The following RIPOR2 variants were observed in gnomAD, a reference collection of about 807,000 sequenced individuals.
RIPOR2 encodes rho family-interacting cell polarization regulator 2.
A neutral mutation model predicts 114.5 loss-of-function variants in RIPOR2; 39 were observed. The observed-to-expected ratio is 0.34, with a 90% CI of 0.26 to 0.44. The LOEUF is 0.44. RIPOR2 is among the 20% of genes least tolerant of loss of function. The pLI, the probability that RIPOR2 is intolerant of heterozygous loss-of-function variation, is 1.00. For synonymous variants in RIPOR2, 445 were observed against 484.4 expected (o/e 0.92, Z 1.07); for missense variants, 1,007 against 1,255.1 (o/e 0.80, Z 2.99).
At chr6:24,855,564 A>C (rs1763389225) in intron 8 of RIPOR2, among the ~76,000 whole-genome samples, 1 of 152,230 alleles carries the variant, frequency 6.6e-6, no homozygotes, top group Non-Finnish European at 1.5e-5. Context: ...TCCCACACAA[A>C]GACATCCATA....
chr6:24,861,384 A>G (rs1412841967), intron 7 of RIPOR2, among the ~76,000 whole-genome samples: 1 of 152,254 alleles, frequency 6.6e-6, no homozygotes, highest in Non-Finnish European at 1.5e-5. Context: ...AAACATAATC[A>G]CCAAATGTAA....
At chr6:24,917,894 T>C (rs1398523157) in intron 1 of RIPOR2, among the ~76,000 whole-genome samples, 1 of 152,192 alleles carries the variant, frequency 6.6e-6, no homozygotes, top group East Asian at 1.9e-4. Context: ...TTTTCTCTCA[T>C]GATCAGGGGA....
At chr6:24,961,929 T>G (rs1476167569) in intron 1 of RIPOR2, among the ~76,000 whole-genome samples, 3 of 152,174 alleles carry the variant, frequency 2.0e-5, no homozygotes, top group African/African-American at 7.2e-5. Flanking sequence ...ACCTCGCCTA[T>G]TCTAAGCATT....
chr6:24,877,451 A>G (rs1371005055), intron 1 of RIPOR2: 1 of 624,732 alleles, frequency 1.6e-6, no homozygotes, highest in Non-Finnish European at 2.0e-6. Flanking sequence ...GGGGAGGAGC[A>G]GCTTACATTT....
chr6:25,024,206 A>G (rs1776483519), intron 1 of RIPOR2: 1 of 1,479,180 alleles, frequency 6.8e-7, no homozygotes, highest in East Asian at 2.3e-5. Flanking sequence ...GCCTGGCGAG[A>G]AAGGTGCCCA....
intron 1 of RIPOR2, among the ~76,000 whole-genome samples, chr6:25,002,914 G>C (rs560796765): frequency 4.2e-4 from 64 of 152,294 alleles, no homozygotes; most frequent in Non-Finnish European, 4.1e-4. Flanking sequence ...CCGGCAATGT[G>C]CCTTTTGCAA....
At chr6:24,905,168 G>C (rs1038495932) in intron 1 of RIPOR2, among the ~76,000 whole-genome samples, 3 of 152,168 alleles carry the variant, frequency 2.0e-5, no homozygotes, top group Non-Finnish European at 4.4e-5. Flanking sequence ...GCTCAACCTA[G>C]AGTGTGTTTC....
chr6:25,015,498 G>T (rs1308334020), intron 1 of RIPOR2: 1 of 152,206 alleles, frequency 6.6e-6, no homozygotes, highest in Non-Finnish European at 1.5e-5. Flanking sequence ...AGTCTACACG[G>T]CACTACTGGG....
intron 1 of RIPOR2, among the ~76,000 whole-genome samples, chr6:24,902,220 T>A (rs938136180): frequency 1.4e-5 from 2 of 147,748 alleles, no homozygotes; most frequent in Non-Finnish European, 3.0e-5. Context: ...TTCTTTTTCT[T>A]TTTTTTTTTT....
At chr6:24,885,202 G>A (rs938664514) in intron 1 of RIPOR2, among the ~76,000 whole-genome samples, 2 of 152,058 alleles carry the variant, frequency 1.3e-5, no homozygotes, top group African/African-American at 4.8e-5. Flanking sequence ...AATTTGAAGT[G>A]GTACCTATTT....
chr6:24,952,619 G>A (rs127485), intron 1 of RIPOR2, among the ~76,000 whole-genome samples: 117,621 of 152,184 alleles, frequency 0.77, 48,792 homozygotes, highest in East Asian at 0.95. Context: ...ATGAGGAGCT[G>A]ATGAGTATTG....
chr6:25,040,753 C>T (rs186438675), intron 1 of RIPOR2, among the ~76,000 whole-genome samples: 233 of 151,620 alleles, frequency 1.5e-3, no homozygotes, highest in African/African-American at 5.1e-3. Flanking sequence ...CCACCACGCC[C>T]GGCTAATTTT....
rs1481487844 is a variant in RIPOR2 at position 24,825,423 on chromosome 6, T to C, written c.2671A>G (p.Met891Val). 1.9e-6 allele frequency: 3 copies of C among 1,551,030 alleles called. No individual in the cohort carries two copies. The highest frequency in any genetic ancestry group is 1.2e-5 in the South Asian group (1 of 84,026). Residue 891 changes from methionine (M) to valine (V), a missense_variant, in exon 19 of 22, where the codon ATG (methionine) becomes GTG (valine). Coordinates refer to ENST00000643898, the MANE Select transcript of RIPOR2 (RefSeq NM_001286445.3). ...CTTAGTGATTGCAGAGTCTGAACCA[T>C]GGAAACTGGAGGGTAAGAAGGAAGG... is the stretch of plus-strand genomic sequence containing the variant. ...YLSQLARQVS[M>V]VQTLQSLRDE...
chr6:24,863,007 T>C (rs1471556862), intron 7 of RIPOR2, among the ~76,000 whole-genome samples: 1 of 152,072 alleles, frequency 6.6e-6, no homozygotes. Flanking sequence ...GGCTGGAGTG[T>C]AGTGGCGCCG....
At chr6:24,929,998 C>T (rs1227917347) in intron 1 of RIPOR2, among the ~76,000 whole-genome samples, 2 of 152,116 alleles carry the variant, frequency 1.3e-5, no homozygotes, top group Non-Finnish European at 2.9e-5. Context: ...TCCCTTGAGC[C>T]CAGGAAGTTG....
At position 24,872,830 on chromosome 6, in the gene RIPOR2, A is replaced by G; in HGVS notation, c.423+51T>C. On this transcript the variant is annotated intron_variant, in intron 4 of 21. Coordinates refer to ENST00000643898, the MANE Select transcript of RIPOR2 (RefSeq NM_001286445.3). ...CCAGCCCCATCCAGTAAAAGAAGCT[A>G]TTTGGCTAAAAAGAACAGTGTTAAC... 3 of 1,241,610 alleles carry G rather than the reference A, an allele frequency of 2.4e-6. 1 individual carries two copies. Among genetic ancestry groups the G allele is most frequent in the Middle Eastern group, 3.8e-4 (2 of 5,264 alleles). The allele number at this position is 1,241,610 out of a possible 1,614,324, so 76.9% of individuals were successfully genotyped here. A position where few individuals can be genotyped will look rare whatever the true frequency, so the allele number is the denominator to read the frequency against.
At chr6:24,854,883 C>A (rs563391666) in intron 8 of RIPOR2, among the ~76,000 whole-genome samples, 1 of 151,646 alleles carries the variant, frequency 6.6e-6, no homozygotes, top group Non-Finnish European at 1.5e-5. Flanking sequence ...CAAAATTAGC[C>A]GGGTGTGGTG....
At chr6:24,959,014 A>G (rs1217283596) in intron 1 of RIPOR2, among the ~76,000 whole-genome samples, 2 of 140,776 alleles carry the variant, frequency 1.4e-5, no homozygotes, top group African/African-American at 5.6e-5. Context: ...TGGAGTGGCC[A>G]ATCATAGCTC....
chr6:24,963,333 G>A (rs979701686), intron 1 of RIPOR2, among the ~76,000 whole-genome samples: 5 of 152,092 alleles, frequency 3.3e-5, no homozygotes, highest in African/African-American at 7.2e-5. Context: ...ATGCCTGGTC[G>A]CATGTGTTTA....
Sources: allele counts gnomAD v4.1 joint callset (sites outside exome capture counted in the v4.1 genomes callset), GRCh38; gene constraint gnomAD v4.1.1; transcripts MANE v1.5; gene names NCBI Gene and HGNC (gene_info 2026-07-23, HGNC 2026-07-21).